Variants in TSPAN9 observed in about 807,000 individuals in gnomAD.
TSPAN9 encodes the protein tetraspanin 9.
A neutral mutation model predicts 31.0 loss-of-function variants in TSPAN9; 16 were observed. That is an observed-to-expected ratio of 0.52 (90% CI 0.35 to 0.78). TSPAN9 has a LOEUF of 0.78. Among genes scored for constraint, TSPAN9 ranks in the 30% least tolerant of loss-of-function variants. TSPAN9 has a pLI of 0.01. For synonymous variants in TSPAN9, 145 were observed against 121.6 expected (o/e 1.19, Z -1.27); for missense variants, 272 against 312.5 (o/e 0.87, Z 0.98).
In TSPAN9 at chr12:3,143,921, A is replaced by AG. The variant is rs1386246132; in HGVS notation, c.-17-57254dup. On this transcript the variant is annotated intron_variant, in intron 2 of 8. Coordinates refer to ENST00000011898, the MANE Select transcript of TSPAN9 (RefSeq NM_006675.5). This position sits in a 1 kb window ranked among gnomAD's most constrained non-coding sequence, Gnocchi z 4.2. ...GTTTAGAAACCAAGATCTAGGTGCT[A>AG]GGTGCGTTCATTGCTACTGGGGTGT... 6.6e-6 allele frequency among the ~76,000 whole-genome samples: 1 copy of AG among 152,170 alleles called. No individual in the cohort carries two copies. Among genetic ancestry groups the AG allele is most frequent in the African/African-American group, 2.4e-5 (1 of 41,446 alleles).
chr12:3,162,451 C>A (rs1164412609), intron 2 of TSPAN9, among the ~76,000 whole-genome samples: 2 of 152,056 alleles, frequency 1.3e-5, no homozygotes, highest in Non-Finnish European at 2.9e-5. Flanking sequence ...AGGGGAGTGT[C>A]CCTGGCTGAG....
At chr12:3,226,024 C>T (rs2098386988) in intron 3 of TSPAN9, among the ~76,000 whole-genome samples, 1 of 152,104 alleles carries the variant, frequency 6.6e-6, no homozygotes, top group Non-Finnish European at 1.5e-5. Flanking sequence ...GAGCCTGACT[C>T]AGGGAGAGGG....
chr12:3,184,514 A>G (rs898359403), intron 2 of TSPAN9, among the ~76,000 whole-genome samples: 2 of 152,148 alleles, frequency 1.3e-5, no homozygotes, highest in African/African-American at 4.8e-5. Flanking sequence ...CAGGTAGTGA[A>G]TCTATTTCTT....
At chr12:3,202,381 G>A (rs1376446630) in intron 3 of TSPAN9, among the ~76,000 whole-genome samples, 3 of 152,216 alleles carry the variant, frequency 2.0e-5, no homozygotes, top group Non-Finnish European at 4.4e-5. Flanking sequence ...GTGCCGAAGA[G>A]GCATTCAGCT....
chr12:3,271,130 G>A (rs1026038026), intron 3 of TSPAN9, among the ~76,000 whole-genome samples: 5 of 152,224 alleles, frequency 3.3e-5, no homozygotes, highest in African/African-American at 9.6e-5. Context: ...AAAAATATGG[G>A]TGTCATCTCC....
chr12:3,265,688 C>T (rs1267622803), intron 3 of TSPAN9, among the ~76,000 whole-genome samples: 1 of 152,110 alleles, frequency 6.6e-6, no homozygotes, highest in African/African-American at 2.4e-5. Context: ...GTGTCTGGGT[C>T]CCTCCACTTC....
At chr12:3,099,911 A>G (rs2098311013) in intron 2 of TSPAN9, among the ~76,000 whole-genome samples, 2 of 143,486 alleles carry the variant, frequency 1.4e-5, no homozygotes, top group African/African-American at 2.6e-5. Context: ...GCACAATCTC[A>G]GCTCACTGCA....
At chr12:3,085,684 C>T (rs1254313316) in intron 2 of TSPAN9, among the ~76,000 whole-genome samples, 6 of 152,146 alleles carry the variant, frequency 3.9e-5, no homozygotes, top group African/African-American at 1.4e-4. Flanking sequence ...ACCTACAAAG[C>T]GGCAGGTTGG....
At chr12:3,108,577 C>T (rs928027943) in intron 2 of TSPAN9, among the ~76,000 whole-genome samples, 1 of 152,296 alleles carries the variant, frequency 6.6e-6, no homozygotes, top group Admixed American at 6.5e-5. Context: ...TCCTTTCGAT[C>T]TTGAAACACC....
chr12:3,090,074 A>G (rs1275183460), intron 2 of TSPAN9, among the ~76,000 whole-genome samples: 2 of 152,218 alleles, frequency 1.3e-5, no homozygotes, highest in Non-Finnish European at 2.9e-5. Flanking sequence ...TATTATTTCC[A>G]GATATTTCTG....
chr12:3,256,314 A>C (rs1259709411), intron 3 of TSPAN9, among the ~76,000 whole-genome samples: 1 of 152,220 alleles, frequency 6.6e-6, no homozygotes. Context: ...TGAGCGCAGC[A>C]CTCAACTCAT....
At chr12:3,090,770 A>T (rs2098304033) in intron 2 of TSPAN9, among the ~76,000 whole-genome samples, 1 of 151,696 alleles carries the variant, frequency 6.6e-6, no homozygotes, top group Non-Finnish European at 1.5e-5. Flanking sequence ...CCCCACAGGT[A>T]ATGAGGAATA....
At chr12:3,167,209 G>A (rs955868859) in intron 2 of TSPAN9, among the ~76,000 whole-genome samples, 17 of 152,198 alleles carry the variant, frequency 1.1e-4, no homozygotes, top group Non-Finnish European at 2.2e-4. Flanking sequence ...GCAAGTGGCT[G>A]TAGTTCATTG....
chr12:3,220,656 G>A (rs1433194817), intron 3 of TSPAN9, among the ~76,000 whole-genome samples: 1 of 152,206 alleles, frequency 6.6e-6, no homozygotes, highest in East Asian at 1.9e-4. Context: ...CAAGCCCGGA[G>A]GCTTAGTCCT....
At chr12:3,237,489 C>T (rs187384954) in intron 3 of TSPAN9, among the ~76,000 whole-genome samples, 2 of 152,352 alleles carry the variant, frequency 1.3e-5, no homozygotes, top group Admixed American at 1.3e-4. Flanking sequence ...TTGGCTTTGC[C>T]AAATTCCTTC....
chr12:3,233,615 T>G (rs1269715566), intron 3 of TSPAN9, among the ~76,000 whole-genome samples: 1 of 152,256 alleles, frequency 6.6e-6, no homozygotes, highest in African/African-American at 2.4e-5. Flanking sequence ...TGTTTGTACT[T>G]GTAGTTCATT....
chr12:3,200,089 A>G (rs928449407), intron 2 of TSPAN9: 1 of 152,478 alleles, frequency 6.6e-6, no homozygotes, highest in African/African-American at 2.4e-5. Flanking sequence ...AAAAGAGACC[A>G]GCGCTTTCCG....
At chr12:3,094,193 C>T (rs1461318515) in intron 2 of TSPAN9, among the ~76,000 whole-genome samples, 1 of 152,178 alleles carries the variant, frequency 6.6e-6, no homozygotes, top group Non-Finnish European at 1.5e-5. Flanking sequence ...AATGCCACAG[C>T]CTCTTGGAGA....
At chr12:3,223,133 C>T (rs2098385426) in intron 3 of TSPAN9, among the ~76,000 whole-genome samples, 1 of 152,246 alleles carries the variant, frequency 6.6e-6, no homozygotes, top group Non-Finnish European at 1.5e-5. Context: ...GTTTTGCTTA[C>T]AAATTAGAAG....
Sources: allele counts gnomAD v4.1 joint callset (sites outside exome capture counted in the v4.1 genomes callset), GRCh38; gene constraint gnomAD v4.1.1; non-coding constraint Gnocchi (gnomAD v3.1); transcripts MANE v1.5; gene names NCBI Gene and HGNC (gene_info 2026-07-23, HGNC 2026-07-21).